The following PKD2 variants were observed in gnomAD, a reference collection of about 807,000 sequenced individuals.
PKD2 encodes polycystin 2, transient receptor potential cation channel.
A neutral mutation model predicts 105.9 loss-of-function variants in PKD2; 48 were observed. That is an observed-to-expected ratio of 0.45 (90% confidence interval 0.36 to 0.58). The LOEUF is 0.58. Ranked by LOEUF, PKD2 falls within the 20% of genes least tolerant of loss-of-function variation. PKD2 has a pLI of 0.00. For synonymous variants in PKD2, 464 were observed against 481.1 expected, an observed-to-expected ratio of 0.96 and a Z score of 0.46; for missense variants, 1,078 against 1,255.3, an observed-to-expected ratio of 0.86 and a Z score of 2.13.
At chr4:88,013,067 A>G (rs1255636044) in intron 1 of PKD2, among the ~76,000 whole-genome samples, 2 of 151,872 alleles carry the variant, frequency 1.3e-5, no homozygotes, top group Non-Finnish European at 2.9e-5. Flanking sequence ...CCACCTTTCG[A>G]CTGTTGTGAC....
intron 1 of PKD2, among the ~76,000 whole-genome samples, chr4:88,018,441 G>C (rs746344917): frequency 2.0e-5 from 3 of 152,188 alleles, no homozygotes; most frequent in Non-Finnish European, 2.9e-5. Flanking sequence ...ATTATTGAAG[G>C]AGTTAAGGTC....
intron 1 of PKD2, among the ~76,000 whole-genome samples, chr4:88,019,002 G>C (rs367613050): frequency 6.6e-6 from 1 of 152,104 alleles, no homozygotes; most frequent in African/African-American, 2.4e-5. Flanking sequence ...TTCATCAGGG[G>C]TGACCTAAAA....
intron 6 of PKD2, among the ~76,000 whole-genome samples, chr4:88,049,913 T>C (rs966542983): frequency 2.6e-5 from 4 of 152,060 alleles, no homozygotes; most frequent in African/African-American, 9.7e-5. Context: ...AAGAAGACTA[T>C]TAAGGAATTT....
intron 13 of PKD2, among the ~76,000 whole-genome samples, chr4:88,068,665 C>T (rs1214880371): frequency 6.6e-6 from 1 of 152,164 alleles, no homozygotes; most frequent in Admixed American, 6.5e-5. Context: ...TATGGCCTAA[C>T]ATATGGTTCG....
intron 3 of PKD2, 73 bp from the exon 4 acceptor site, chr4:88,038,178 G>A (rs1727408731): frequency 2.7e-6 from 4 of 1,504,694 alleles, no homozygotes; most frequent in East Asian, 2.3e-5. Flanking sequence ...GCTTGGTTAT[G>A]CAAACGATGC....
At chr4:88,061,233 T>C (rs1160481356) in intron 9 of PKD2, among the ~76,000 whole-genome samples, 2 of 152,202 alleles carry the variant, frequency 1.3e-5, no homozygotes, top group Admixed American at 1.3e-4. Flanking sequence ...TACCCTTCAG[T>C]AGTGTATGTA....
intron 6 of PKD2, among the ~76,000 whole-genome samples, chr4:88,050,175 C>G (rs59994479): frequency 6.6e-6 from 1 of 151,794 alleles, no homozygotes; most frequent in African/African-American, 2.4e-5. Flanking sequence ...AGGGTTTCAC[C>G]GAGTTAGCCA....
intron 2 of PKD2, among the ~76,000 whole-genome samples, chr4:88,034,668 C>CA (rs61534136): frequency 0.28 from 19,885 of 71,580 alleles, 2,209 homozygotes; most frequent in Middle Eastern, 0.42. Context: ...AACTCCGTCT[C>CA]AAAAAAAAAA....
In PKD2 at chr4:88,022,248, C is replaced by T. The variant is rs376111078; in HGVS notation, c.709+2677C>T. ...CATTTTTCCATTCTGTTGAAATTAT[C>T]TTGGAACTGGATTCATTCATCTCAC... On this transcript the variant is annotated intron_variant, in intron 2 of 14. Transcript: ENST00000237596. 2.2e-4 allele frequency among the ~76,000 whole-genome samples: 33 copies of T among 152,282 alleles called. No individual in the cohort carries two copies. The South Asian group carries it at 6.6e-3, about 31-fold the overall frequency.
chr4:88,074,797 G>A lies in PKD2; in HGVS notation c.2523-15G>A. On this transcript the variant is annotated splice_polypyrimidine_tract_variant and intron_variant, in intron 13 of 14. Coordinates refer to ENST00000237596, the MANE Select transcript of PKD2 (RefSeq NM_000297.4). ...GACAAGCACTTTGTCCCTCTGTACT[G>A]TGTTTTCCTTGCAGCCTGGTGAGAC... 1.2e-6 allele frequency: 2 copies of A among 1,613,798 alleles called. No individual in the cohort carries two copies. The highest frequency in any genetic ancestry group is 1.7e-6 in the Non-Finnish European group (2 of 1,179,726).
At chr4:88,072,105 C>T (rs536870482) in intron 13 of PKD2, among the ~76,000 whole-genome samples, 3 of 150,454 alleles carry the variant, frequency 2.0e-5, no homozygotes, top group East Asian at 4.0e-4. Context: ...ACCTCAGCTT[C>T]TCAAGTAGCT....
chr4:88,031,614 A>AG (rs1415611760), intron 2 of PKD2, among the ~76,000 whole-genome samples: 2 of 152,176 alleles, frequency 1.3e-5, no homozygotes, highest in Non-Finnish European at 2.9e-5. Context: ...TTATTAAGAG[A>AG]GGGAAAAAAT....
At chr4:88,054,816 G>A (rs939634668) in intron 7 of PKD2, among the ~76,000 whole-genome samples, 14 of 151,678 alleles carry the variant, frequency 9.2e-5, no homozygotes, top group Admixed American at 7.9e-4. Flanking sequence ...CACCACGCCC[G>A]GCTAATTTTT....
At chr4:88,070,601 T>TATATAGAGAGAG (rs1313482750) in intron 13 of PKD2, among the ~76,000 whole-genome samples, 275 of 91,452 alleles carry the variant, frequency 3.0e-3, no homozygotes, top group African/African-American at 6.2e-3. Flanking sequence ...TATATATATA[T>TATATAGAGAGAG]AGAGAGAGAG....
chr4:88,050,263 C>T (rs986753068), intron 6 of PKD2, among the ~76,000 whole-genome samples: 2 of 152,058 alleles, frequency 1.3e-5, no homozygotes, highest in African/African-American at 2.4e-5. Flanking sequence ...CGTGAACCAC[C>T]GCGCCTGGCC....
At chr4:88,031,710 TTC>T (rs1727159860) in intron 2 of PKD2, among the ~76,000 whole-genome samples, 2 of 152,226 alleles carry the variant, frequency 1.3e-5, no homozygotes, top group African/African-American at 4.8e-5. Context: ...TTTGTCTACT[TTC>T]TCTGTCAAAG....
chr4:88,053,001 A>G (rs1720167742), intron 7 of PKD2, among the ~76,000 whole-genome samples: 1 of 152,168 alleles, frequency 6.6e-6, no homozygotes, highest in African/African-American at 2.4e-5. Flanking sequence ...AGGTTATGAC[A>G]TTTCATATAC....
Position 88,056,196 on chromosome 4 carries a change from A to G in PKD2, c.1827A>G (p.Leu609=), listed in dbSNP as rs765859668. Residue 609 remains leucine (L), a synonymous_variant, in exon 8 of 15, where the codon CTA becomes CTG. Transcript: ENST00000237596. ...CTATTATGTTCTTCATTATTTTCCT[A>G]GCGTATGCTCAGTTGGCATACCTTG... ...GFAIMFFIIF[L]AYAQLAYLVF... The G allele has an allele frequency of 4.3e-6, 7 of 1,613,472 alleles. No individual in the cohort carries two copies. In the African/African-American group the frequency reaches 8.0e-5, roughly 18 times the overall value.
chr4:88,073,504 C>T lies in PKD2; in HGVS notation c.2523-1308C>T, dbSNP rs370308367. Among the ~76,000 whole-genome samples the T allele has an allele frequency of 7.8e-4, 117 of 150,738 alleles. No homozygotes were observed. In the South Asian group the frequency reaches 9.5e-3, roughly 12 times the overall value. On this transcript the variant is annotated intron_variant, in intron 13 of 14. Coordinates refer to ENST00000237596, the MANE Select transcript of PKD2 (RefSeq NM_000297.4). ...TCACGCCACTGCACTCCAGCCTGGGCGACAGAGCAAGACTCTGTCTCAAAA... is the reference window on the plus strand; with the variant it reads ...TCACGCCACTGCACTCCAGCCTGGGTGACAGAGCAAGACTCTGTCTCAAAA...
Sources: allele counts gnomAD v4.1 joint callset (sites outside exome capture counted in the v4.1 genomes callset), GRCh38; gene constraint gnomAD v4.1.1; transcripts MANE v1.5; gene names NCBI Gene and HGNC (gene_info 2026-07-23, HGNC 2026-07-21).